The following B3GALT1 variants were observed in gnomAD, a reference collection of about 807,000 sequenced individuals.
The protein encoded by B3GALT1 is beta-1,3-galactosyltransferase 1.
A neutral mutation model predicts 23.2 loss-of-function variants in B3GALT1; 10 were observed. The ratio of observed to expected loss-of-function variants is 0.43; its 90% confidence interval spans 0.27 to 0.73. The LOEUF (loss-of-function observed/expected upper bound fraction) is 0.73, where lower values mean the gene tolerates loss of function less well. B3GALT1 is among the 30% of genes least tolerant of loss of function. The probability of loss-of-function intolerance (pLI) is 0.21; values close to 1 mark genes in which losing one functional copy is unlikely to be tolerated. For synonymous variants in B3GALT1, 156 were observed against 141.5 expected, an observed-to-expected ratio of 1.10 and a Z score of -0.73; for missense variants, 299 against 405.4, an observed-to-expected ratio of 0.74 and a Z score of 2.25.
intron 2 of B3GALT1, among the ~76,000 whole-genome samples, chr2:167,533,484 C>T (rs73026011): frequency 0.047 from 7,121 of 152,074 alleles, 331 homozygotes; most frequent in African/African-American, 0.13. Context: ...TTGATTCAAC[C>T]TTGCATTACA....
chr2:167,848,901 G>T (rs1689814425), intron 4 of B3GALT1, among the ~76,000 whole-genome samples: 1 of 150,780 alleles, frequency 6.6e-6, no homozygotes. Flanking sequence ...CAAAGATTCT[G>T]GATACAAGAA....
At chr2:167,352,459 C>T (rs1030249125) in intron 1 of B3GALT1, among the ~76,000 whole-genome samples, 6 of 150,972 alleles carry the variant, frequency 4.0e-5, no homozygotes, top group South Asian at 2.1e-4. Context: ...CAGTGGCTCA[C>T]GCCTGTAATC....
At chr2:167,404,843 T>G (rs1018228523) in intron 1 of B3GALT1, among the ~76,000 whole-genome samples, 1 of 152,160 alleles carries the variant, frequency 6.6e-6, no homozygotes, top group African/African-American at 2.4e-5. Flanking sequence ...TTATGATAAT[T>G]AGGATGCTTG....
chr2:167,513,766 G>A (rs1372753986), intron 2 of B3GALT1, among the ~76,000 whole-genome samples: 1 of 151,948 alleles, frequency 6.6e-6, no homozygotes, highest in East Asian at 1.9e-4. Flanking sequence ...CATAAAAAGA[G>A]TTTACATATT....
At chr2:167,672,402 C>T (rs539316725) in intron 3 of B3GALT1, among the ~76,000 whole-genome samples, 1 of 152,258 alleles carries the variant, frequency 6.6e-6, no homozygotes, top group East Asian at 1.9e-4. Context: ...GGTTTACATC[C>T]TCTGATCTAG....
At chr2:167,671,632 C>T (rs1313462677) in intron 3 of B3GALT1, among the ~76,000 whole-genome samples, 1 of 151,828 alleles carries the variant, frequency 6.6e-6, no homozygotes, top group East Asian at 1.9e-4. Flanking sequence ...CTATGGGATG[C>T]AGCAAAAGTA....
chr2:167,420,119 G>A lies in B3GALT1; in HGVS notation c.-510-70058G>A, dbSNP rs997795494. On this transcript the variant is annotated intron_variant, in intron 1 of 4. Coordinates refer to ENST00000392690, the MANE Select transcript of B3GALT1 (RefSeq NM_020981.4). Reference sequence around the variant, plus strand: ...GAATGAGCTGAAGGTTCATTTTGCGGCAGTCCAGAGTGCTGTATATAGTGC... The same window carrying A: ...GAATGAGCTGAAGGTTCATTTTGCGACAGTCCAGAGTGCTGTATATAGTGC... Among the ~76,000 whole-genome samples the A allele has an allele frequency of 7.4e-4, 113 of 152,290 alleles. 1 individual carries two copies. In the East Asian group the frequency reaches 0.018, roughly 24 times the overall value.
chr2:167,670,735 A>G (rs1324792652), intron 3 of B3GALT1, among the ~76,000 whole-genome samples: 1 of 152,232 alleles, frequency 6.6e-6, no homozygotes, highest in East Asian at 1.9e-4. Flanking sequence ...GAAATTCTGA[A>G]GCTGAAAAAT....
intron 1 of B3GALT1, among the ~76,000 whole-genome samples, chr2:167,411,550 C>T (rs1698392782): frequency 6.6e-6 from 1 of 152,074 alleles, no homozygotes; most frequent in African/African-American, 2.4e-5. Context: ...CTGCTTGTAT[C>T]AATAGACAGG....
intron 3 of B3GALT1, among the ~76,000 whole-genome samples, chr2:167,817,012 T>G (rs1295141411): frequency 1.3e-5 from 2 of 152,352 alleles, no homozygotes; most frequent in East Asian, 1.9e-4. Flanking sequence ...GCTTTGGTAT[T>G]TGACTTGATA....
At chr2:167,805,282 G>T (rs1422856788) in intron 3 of B3GALT1, among the ~76,000 whole-genome samples, 1 of 152,050 alleles carries the variant, frequency 6.6e-6, no homozygotes, top group East Asian at 1.9e-4. Flanking sequence ...TAGGTTGCCT[G>T]TTCACTCTGA....
chr2:167,591,755 G>A (rs1445316507), intron 2 of B3GALT1, among the ~76,000 whole-genome samples: 2 of 152,274 alleles, frequency 1.3e-5, no homozygotes, highest in Middle Eastern at 3.4e-3. Flanking sequence ...TTACAGGCAT[G>A]AGCCACTGCA....
At chr2:167,566,310 A>G (rs968125019) in intron 2 of B3GALT1, among the ~76,000 whole-genome samples, 13 of 150,034 alleles carry the variant, frequency 8.7e-5, no homozygotes, top group Admixed American at 5.3e-4. Context: ...ATGAGAACAC[A>G]TGGACACAGG....
chr2:167,483,898 GAACCTATCCATGGATCGCATGGA>G (rs574818868), intron 1 of B3GALT1, among the ~76,000 whole-genome samples: 67 of 152,210 alleles, frequency 4.4e-4, no homozygotes, highest in African/African-American at 1.5e-3. Flanking sequence ...AGACCCTATA[GAACCTATCCATGGATCGCATGGA>G]AATTCCAAAA....
At chr2:167,346,482 G>C (rs1007793002) in intron 1 of B3GALT1, among the ~76,000 whole-genome samples, 1 of 151,964 alleles carries the variant, frequency 6.6e-6, no homozygotes, top group Non-Finnish European at 1.5e-5. Context: ...GATCCCTTAT[G>C]TCAATGTAAT....
chr2:167,658,971 T>G (rs1686008348), intron 3 of B3GALT1, among the ~76,000 whole-genome samples: 1 of 152,170 alleles, frequency 6.6e-6, no homozygotes, highest in African/African-American at 2.4e-5. Flanking sequence ...CAACAAATTC[T>G]AGTCCACTTT....
intron 2 of B3GALT1, among the ~76,000 whole-genome samples, chr2:167,507,323 G>A (rs1228026121): frequency 6.6e-6 from 1 of 151,706 alleles, no homozygotes; most frequent in Admixed American, 6.6e-5. Flanking sequence ...TGGCCAACAT[G>A]ATGAAACTCC....
intron 1 of B3GALT1, among the ~76,000 whole-genome samples, chr2:167,406,573 G>A (rs1698282106): frequency 6.6e-6 from 1 of 152,150 alleles, no homozygotes; most frequent in South Asian, 2.1e-4. Flanking sequence ...GATTGAGATG[G>A]TCAGCCGGCT....
At chr2:167,468,342 T>TA (rs1040428613) in intron 1 of B3GALT1, among the ~76,000 whole-genome samples, 36 of 152,210 alleles carry the variant, frequency 2.4e-4, no homozygotes, top group Middle Eastern at 3.4e-3. Flanking sequence ...AACATAAATA[T>TA]AAAAAATCTT....
Sources: allele counts gnomAD v4.1 joint callset (sites outside exome capture counted in the v4.1 genomes callset), GRCh38; gene constraint gnomAD v4.1.1; transcripts MANE v1.5; gene names NCBI Gene and HGNC (gene_info 2026-07-23, HGNC 2026-07-21).